The following PTPRM variants were observed in gnomAD, a reference collection of about 807,000 sequenced individuals.
PTPRM encodes protein tyrosine phosphatase receptor type M.
In PTPRM, 47 loss-of-function variants were observed where a neutral mutation model predicts 186.7. The ratio of observed to expected loss-of-function variants is 0.25; its 90% CI spans 0.20 to 0.32. The LOEUF is 0.32. Ranked by LOEUF, PTPRM falls within the 10% of genes least tolerant of loss-of-function variation. The probability of loss-of-function intolerance (pLI) is 1.00; values close to 1 mark genes in which losing one functional copy is unlikely to be tolerated. For missense variants in PTPRM, 1,494 were observed against 1,865.0 expected (o/e 0.80, Z 3.66); for synonymous variants, 668 against 674.9 (o/e 0.99, Z 0.16).
chr18:8,280,367 A>G (rs1300512634), intron 19 of PTPRM, among the ~76,000 whole-genome samples: 4 of 136,668 alleles, frequency 2.9e-5, no homozygotes, highest in East Asian at 2.3e-4. Flanking sequence ...GAGGTACGGG[A>G]GCTTAGGACT....
intron 19 of PTPRM, among the ~76,000 whole-genome samples, chr18:8,259,136 A>G (rs549220469): frequency 6.6e-6 from 1 of 152,142 alleles, no homozygotes; most frequent in Non-Finnish European, 1.5e-5. Context: ...TTTAGTAGAG[A>G]TGGATTTTCG....
At chr18:7,991,330 T>G (rs1338391915) in intron 7 of PTPRM, among the ~76,000 whole-genome samples, 1 of 152,068 alleles carries the variant, frequency 6.6e-6, no homozygotes, top group Non-Finnish European at 1.5e-5. Flanking sequence ...ACCTTACCAG[T>G]AATGTCAATG....
chr18:8,165,960 T>C (rs2093317735), intron 14 of PTPRM, among the ~76,000 whole-genome samples: 1 of 152,152 alleles, frequency 6.6e-6, no homozygotes, highest in South Asian at 2.1e-4. Flanking sequence ...TAATTATGCA[T>C]CTTGACTTAT....
intron 2 of PTPRM, among the ~76,000 whole-genome samples, chr18:7,855,618 G>A (rs1219882838): frequency 2.0e-5 from 3 of 152,192 alleles, no homozygotes; most frequent in African/African-American, 7.2e-5. Flanking sequence ...TCACCTTGCA[G>A]TTTGTGAGAA....
chr18:8,296,647 G>T (rs528170332), intron 20 of PTPRM, among the ~76,000 whole-genome samples, 192 bp downstream of exon 20: 1 of 152,128 alleles, frequency 6.6e-6, no homozygotes, highest in South Asian at 2.1e-4. Flanking sequence ...TACTGTTGTC[G>T]TGGGCCCTGT....
In PTPRM at chr18:8,072,827, C is replaced by A. The variant is rs114602671; in HGVS notation, c.1441+2833C>A. Among the ~76,000 whole-genome samples the A allele has an allele frequency of 3.3e-3, 502 of 152,200 alleles. 4 individuals carry two copies. Among genetic ancestry groups the A allele is most frequent in the Middle Eastern group, 0.014 (4 of 292 alleles). On this transcript the variant is annotated intron_variant, in intron 8 of 32. Coordinates refer to ENST00000580170, the MANE Select transcript of PTPRM (RefSeq NM_001105244.2). ...TATCCCAGATCCTGAATTCCCAGAG[C>A]TTCTAAAAATAGGTACTAGACCTAA...
At chr18:8,065,770 A>C (rs2089020181) in intron 7 of PTPRM, among the ~76,000 whole-genome samples, 1 of 152,206 alleles carries the variant, frequency 6.6e-6, no homozygotes, top group South Asian at 2.1e-4. Context: ...TAAGAGATCT[A>C]TATTGTGCAC....
rs200043290 is a variant in PTPRM, at chr18:8,394,470, C to T, written c.4209-6C>T. On this transcript the variant is annotated splice_region_variant and splice_polypyrimidine_tract_variant and intron_variant, in intron 31 of 32. Transcript: ENST00000580170. ...GAGTGCAGTCATCTGATCTTTTTCA[C>T]GACAGGAACGGGGGAGGCCGCAGTG... The T allele has an allele frequency of 4.6e-5, 74 of 1,603,240 alleles. 1 individual carries two copies. The highest frequency in any genetic ancestry group is 3.6e-4 in the South Asian group (32 of 89,106).
chr18:7,833,186 G>T (rs1287726327), intron 2 of PTPRM, among the ~76,000 whole-genome samples: 1 of 151,982 alleles, frequency 6.6e-6, no homozygotes, highest in African/African-American at 2.4e-5. Flanking sequence ...GGTTTGCATT[G>T]AATCTGTAGA....
intron 2 of PTPRM, among the ~76,000 whole-genome samples, chr18:7,885,978 T>C (rs1164661498): frequency 6.6e-6 from 1 of 152,222 alleles, no homozygotes; most frequent in East Asian, 1.9e-4. Context: ...TGCCGTCCTG[T>C]GTATATTGCC....
At chr18:7,672,701 G>A (rs1197874303) in intron 1 of PTPRM, among the ~76,000 whole-genome samples, 1 of 152,178 alleles carries the variant, frequency 6.6e-6, no homozygotes, top group Non-Finnish European at 1.5e-5. Context: ...AAAATAATAA[G>A]AGAATAGAGG....
chr18:8,316,394 G>A (rs1002982613), intron 21 of PTPRM, among the ~76,000 whole-genome samples: 26 of 152,170 alleles, frequency 1.7e-4, no homozygotes, highest in African/African-American at 4.8e-4. Flanking sequence ...AGCTTTAACC[G>A]GTGAGTAAGT....
intron 5 of PTPRM, among the ~76,000 whole-genome samples, chr18:7,948,855 C>G (rs1207707268): frequency 2.6e-5 from 4 of 152,096 alleles, no homozygotes; most frequent in African/African-American, 9.7e-5. Flanking sequence ...GCTATAAGAC[C>G]AAATGTGGAT....
chr18:8,174,143 G>A (rs2093447861), intron 14 of PTPRM, among the ~76,000 whole-genome samples: 1 of 151,780 alleles, frequency 6.6e-6, no homozygotes, highest in Admixed American at 6.6e-5. Context: ...TGCAAATCTT[G>A]TCACCTCCAG....
chr18:8,378,939 G>A (rs1045350904), intron 27 of PTPRM, among the ~76,000 whole-genome samples: 8 of 152,136 alleles, frequency 5.3e-5, no homozygotes, highest in African/African-American at 1.7e-4. Context: ...GGGACCCACA[G>A]TGGCCCTTAC....
chr18:8,054,322 T>TATATATA (rs1555710867), intron 7 of PTPRM, among the ~76,000 whole-genome samples: 8 of 135,138 alleles, frequency 5.9e-5, no homozygotes, highest in African/African-American at 1.2e-4. Flanking sequence ...TATATATATA[T>TATATATA]TACTACTACT....
intron 4 of PTPRM, among the ~76,000 whole-genome samples, chr18:7,910,877 A>T (rs1270034992): frequency 6.6e-6 from 1 of 152,026 alleles, no homozygotes; most frequent in Non-Finnish European, 1.5e-5. Context: ...TAGTTCTAGG[A>T]AGTCAGCATG....
chr18:8,325,767 C>T (rs2095372042), intron 22 of PTPRM, among the ~76,000 whole-genome samples: 1 of 151,668 alleles, frequency 6.6e-6, no homozygotes. Flanking sequence ...CTGCTTTCCA[C>T]AATGGCTGAA....
intron 1 of PTPRM, among the ~76,000 whole-genome samples, chr18:7,644,955 C>T (rs1413301222): frequency 2.0e-5 from 3 of 152,076 alleles, no homozygotes; most frequent in African/African-American, 7.2e-5. Flanking sequence ...AACAAAAGAC[C>T]TTCTGTGCTA....
Sources: gnomAD v4.1 joint callset for allele counts (sites outside exome capture counted in the v4.1 genomes callset) on GRCh38, gnomAD v4.1.1 for gene constraint, MANE v1.5 for transcripts, NCBI Gene and HGNC (gene_info 2026-07-23, HGNC 2026-07-21) for gene names.